DIP2C: variants seen among roughly 807,000 people sequenced by gnomAD.
DIP2C encodes the protein disco-interacting protein 2 homolog C.
Under a neutral mutation model 192.4 loss-of-function variants are expected in DIP2C, and 33 were observed. The ratio of observed to expected loss-of-function variants is 0.17; its 90% CI spans 0.13 to 0.23. DIP2C has a LOEUF of 0.23. DIP2C is among the 10% of genes least tolerant of loss of function. The probability of loss-of-function intolerance (pLI) is 1.00; values close to 1 mark genes in which losing one functional copy is unlikely to be tolerated. For synonymous variants in DIP2C, 979 were observed against 864.1 expected (o/e 1.13, Z -2.33); for missense variants, 1,537 against 2,110.1 (o/e 0.73, Z 5.32).
At chr10:288,123 C>A (rs3131998) in intron 33 of DIP2C, among the ~76,000 whole-genome samples, 2 of 152,046 alleles carry the variant, frequency 1.3e-5, no homozygotes, top group African/African-American at 4.8e-5. Context: ...AGGCTGAAGG[C>A]ACCAGGGCCT....
intron 1 of DIP2C, among the ~76,000 whole-genome samples, chr10:578,955 C>G (rs1378977499): frequency 2.6e-5 from 4 of 152,000 alleles, no homozygotes; most frequent in Admixed American, 2.6e-4. Flanking sequence ...GTGCATAGAG[C>G]ATTCACACAT....
At position 652,902 on chromosome 10, in the gene DIP2C, C is replaced by T. The variant is rs766015573; in HGVS notation, c.85+36592G>A. On this transcript the variant is annotated intron_variant, in intron 1 of 36. Transcript: ENST00000280886. The surrounding 1 kb of genome is among the most constrained non-coding windows in gnomAD (Gnocchi z 4.5). ...CAGATGGACCCTGCTCTCCTTCCTC[C>T]CCGCCCACAGCTACCTCGCAGCAGC... 7.9e-5 allele frequency among the ~76,000 whole-genome samples: 12 copies of T among 151,778 alleles called. No individual in the cohort carries two copies. The highest frequency in any genetic ancestry group is 1.8e-4 in the Non-Finnish European group (12 of 67,948).
At chr10:296,221 C>G (rs568783619) in intron 32 of DIP2C, among the ~76,000 whole-genome samples, 1 of 152,296 alleles carries the variant, frequency 6.6e-6, no homozygotes, top group Non-Finnish European at 1.5e-5. Context: ...ATGATATTGC[C>G]TAGGTTTCCT....
chr10:606,705 C>T (rs1852511556), intron 1 of DIP2C, among the ~76,000 whole-genome samples: 1 of 152,258 alleles, frequency 6.6e-6, no homozygotes, highest in South Asian at 2.1e-4. Context: ...ACTGCTTAAG[C>T]ACTCTGCTGC....
intron 3 of DIP2C, among the ~76,000 whole-genome samples, chr10:449,914 C>CA (rs1968706226): frequency 3.3e-5 from 1 of 30,576 alleles, no homozygotes; most frequent in African/African-American, 8.3e-5. Context: ...TTTCAGTCAA[C>CA]AACAACAAAA....
chr10:357,501 C>G (rs1456779040), intron 23 of DIP2C, among the ~76,000 whole-genome samples: 1 of 152,236 alleles, frequency 6.6e-6, no homozygotes, highest in Non-Finnish European at 1.5e-5. Context: ...CTGGACACCC[C>G]TCACCGATTT....
At chr10:306,213 C>T (rs1956313727) in intron 32 of DIP2C, among the ~76,000 whole-genome samples, 1 of 152,040 alleles carries the variant, frequency 6.6e-6, no homozygotes, top group South Asian at 2.1e-4. Context: ...GAGAGTGTGT[C>T]CCCTCACTCT....
chr10:478,847 T>G (rs534186847), intron 2 of DIP2C, among the ~76,000 whole-genome samples: 6 of 152,014 alleles, frequency 3.9e-5, no homozygotes, highest in Admixed American at 3.9e-4. Flanking sequence ...GGGGTGCAGA[T>G]AGCAACGTCT....
chr10:345,253 C>A, intron 26 of DIP2C, 143 bp from the exon 27 acceptor site: 1 of 837,304 alleles, frequency 1.2e-6, no homozygotes, highest in South Asian at 1.4e-5. Context: ...CTCCTGCTGG[C>A]TAAGGTAGGA....
intron 10 of DIP2C, among the ~76,000 whole-genome samples, chr10:394,611 G>A (rs979401439): frequency 5.7e-5 from 7 of 123,616 alleles, no homozygotes; most frequent in Non-Finnish European, 1.0e-4. Flanking sequence ...GAGGGAAGGT[G>A]ACCGTATGCT....
chr10:503,006 C>G (rs981319448), intron 1 of DIP2C, among the ~76,000 whole-genome samples: 5 of 151,752 alleles, frequency 3.3e-5, no homozygotes, highest in African/African-American at 1.2e-4. Flanking sequence ...AGACTTATTA[C>G]AATTCCAGCA....
chr10:635,230 TCC>T (rs1854763174), intron 1 of DIP2C, among the ~76,000 whole-genome samples: 1 of 152,144 alleles, frequency 6.6e-6, no homozygotes, highest in African/African-American at 2.4e-5. Context: ...ACAAGGCAAA[TCC>T]ACCTGTGAAT....
At chr10:614,929 G>A (rs1853350417) in intron 1 of DIP2C, among the ~76,000 whole-genome samples, 2 of 152,162 alleles carry the variant, frequency 1.3e-5, no homozygotes, top group African/African-American at 4.8e-5. Flanking sequence ...TGACCCCCAT[G>A]GCATCACAGT....
At chr10:525,348 A>C (rs1281245549) in intron 1 of DIP2C, among the ~76,000 whole-genome samples, 2 of 152,218 alleles carry the variant, frequency 1.3e-5, no homozygotes, top group South Asian at 2.1e-4. Flanking sequence ...TTATGAACAC[A>C]CATGAAATCC....
At chr10:646,152 G>A (rs771950199) in intron 1 of DIP2C, among the ~76,000 whole-genome samples, 3 of 152,160 alleles carry the variant, frequency 2.0e-5, no homozygotes, top group South Asian at 2.1e-4. Flanking sequence ...ACGCATGCTC[G>A]AGGCCTCCAC....
intron 1 of DIP2C, among the ~76,000 whole-genome samples, chr10:597,403 C>T (rs895777298): frequency 4.6e-5 from 7 of 152,176 alleles, no homozygotes; most frequent in African/African-American, 1.7e-4. Context: ...TAAGCTGCCC[C>T]TAGAAGTGGT....
intron 2 of DIP2C, among the ~76,000 whole-genome samples, chr10:483,570 T>C (rs1268469320): frequency 6.6e-6 from 1 of 152,230 alleles, no homozygotes; most frequent in African/African-American, 2.4e-5. Context: ...GTCCTTCTCC[T>C]GTTTTCCTCA....
chr10:429,157 G>GATCA (rs1966777417), intron 4 of DIP2C, among the ~76,000 whole-genome samples: 1 of 151,872 alleles, frequency 6.6e-6, no homozygotes, highest in Admixed American at 6.6e-5. Context: ...ATCATACAGA[G>GATCA]ATCACATGCT....
At chr10:360,989 C>T (rs1195567255) in intron 22 of DIP2C, among the ~76,000 whole-genome samples, 1 of 152,116 alleles carries the variant, frequency 6.6e-6, no homozygotes, top group Non-Finnish European at 1.5e-5. Flanking sequence ...GCCCAATTCC[C>T]TTCTCTGTGG....
Sources: allele counts gnomAD v4.1 joint callset (sites outside exome capture counted in the v4.1 genomes callset), GRCh38; gene constraint gnomAD v4.1.1; non-coding constraint Gnocchi (gnomAD v3.1); transcripts MANE v1.5; gene names NCBI Gene and HGNC (gene_info 2026-07-23, HGNC 2026-07-21).